SAMSN1: variants seen among roughly 807,000 people sequenced by gnomAD.
SAMSN1 encodes SAM domain, SH3 domain and nuclear localization signals 1, also known as SAM domain-containing protein SAMSN-1.
A neutral mutation model predicts 42.0 loss-of-function variants in SAMSN1; 31 were observed. The ratio of observed to expected loss-of-function variants is 0.74; its 90% CI spans 0.55 to 1.00. The LOEUF is 1.00. Ranked by LOEUF, SAMSN1 falls within the 50% of genes least tolerant of loss-of-function variation. SAMSN1 has a pLI of 0.00. For missense variants in SAMSN1, 464 were observed against 439.4 expected (o/e 1.06, Z -0.50); for synonymous variants, 178 against 151.9 (o/e 1.17, Z -1.26).
intron 7 of SAMSN1, among the ~76,000 whole-genome samples, chr21:14,493,746 AG>A (rs1329987381): frequency 6.6e-6 from 1 of 152,218 alleles, no homozygotes; most frequent in African/African-American, 2.4e-5. Flanking sequence ...TCCCTTCAAG[AG>A]CTGCATCTCA....
At chr21:14,620,287 G>T (rs976179877) in intron 2 of SAMSN1, among the ~76,000 whole-genome samples, 1 of 152,246 alleles carries the variant, frequency 6.6e-6, no homozygotes, top group Admixed American at 6.5e-5. Flanking sequence ...GGGTCATGGG[G>T]GTGGTTTTCC....
At chr21:14,504,033 C>A (rs532652228) in intron 5 of SAMSN1, among the ~76,000 whole-genome samples, 12 of 152,210 alleles carry the variant, frequency 7.9e-5, no homozygotes, top group Non-Finnish European at 1.6e-4. Flanking sequence ...TCTCAGGAAG[C>A]CTCATCCATA....
chr21:14,492,772 T>A (rs1986747565), intron 7 of SAMSN1, among the ~76,000 whole-genome samples: 1 of 152,184 alleles, frequency 6.6e-6, no homozygotes, highest in Non-Finnish European at 1.5e-5. Context: ...GAGGTAAAAT[T>A]AAAAAGAAAT....
intron 7 of SAMSN1, among the ~76,000 whole-genome samples, chr21:14,492,356 G>C (rs1371506441): frequency 6.6e-6 from 1 of 152,168 alleles, no homozygotes; most frequent in Non-Finnish European, 1.5e-5. Flanking sequence ...TGTGAGGTGG[G>C]ATTGCAGGCA....
Position 14,619,074 on chromosome 21 carries a change from T to C in SAMSN1, c.157-3058A>G, listed in dbSNP as rs577692562. 4.6e-5 allele frequency among the ~76,000 whole-genome samples: 7 copies of C among 152,294 alleles called. No homozygotes were observed. The South Asian group carries it at 1.5e-3, about 32-fold the overall frequency. On this transcript the variant is annotated intron_variant, in intron 2 of 15. Coordinates refer to the SAMSN1 transcript ENST00000647101. ...TCTAACAGCAAAGCACTTCCGTATATAAAATTAGGTCAAAGTTTTAAAAAA... is the reference window on the plus strand; with the variant it reads ...TCTAACAGCAAAGCACTTCCGTATACAAAATTAGGTCAAAGTTTTAAAAAA...
chr21:14,592,668 A>G, intron 7 of SAMSN1: 1 of 382,048 alleles, frequency 2.6e-6, no homozygotes, highest in Non-Finnish European at 5.6e-6. Context: ...AAAAAGTGAG[A>G]ATGACCTACT....
Position 14,491,838 on chromosome 21 carries a change from T to C in SAMSN1, c.920-5724A>G, listed in dbSNP as rs116253743. On this transcript the variant is annotated intron_variant, in intron 7 of 7. Coordinates refer to ENST00000400566, the MANE Select transcript of SAMSN1 (RefSeq NM_022136.5). ...GAGATAAAATTTTGCCTTCCCTATA[T>C]AGATATGATAAAAAACTAATCTAAT... is the stretch of plus-strand genomic sequence containing the variant. 7.6e-3 allele frequency among the ~76,000 whole-genome samples: 1,158 copies of C among 152,316 alleles called. 19 individuals carry two copies. The highest frequency in any genetic ancestry group is 0.027 in the African/African-American group (1,102 of 41,572).
At chr21:14,552,169 C>A (rs1172401367) in intron 2 of SAMSN1, among the ~76,000 whole-genome samples, 1 of 152,050 alleles carries the variant, frequency 6.6e-6, no homozygotes, top group Non-Finnish European at 1.5e-5. Flanking sequence ...CCTCTCCAAC[C>A]CAAGCTACCT....
At chr21:14,518,851 G>T (rs1988033201) in intron 2 of SAMSN1, among the ~76,000 whole-genome samples, 4 of 152,220 alleles carry the variant, frequency 2.6e-5, no homozygotes, top group Admixed American at 2.0e-4. Flanking sequence ...TAAAATTTTA[G>T]AGTTAGCCTT....
intron 7 of SAMSN1, among the ~76,000 whole-genome samples, chr21:14,489,952 GT>G (rs1489145086): frequency 1.3e-5 from 2 of 152,106 alleles, no homozygotes; most frequent in Non-Finnish European, 2.9e-5. Flanking sequence ...AGTGAAGATA[GT>G]TTTAAGGAAA....
chr21:14,520,906 C>T (rs1978420626), intron 2 of SAMSN1, among the ~76,000 whole-genome samples: 1 of 151,854 alleles, frequency 6.6e-6, no homozygotes, highest in Admixed American at 6.6e-5. Flanking sequence ...ACCCGATATA[C>T]CCTGCCCTAC....
chr21:14,530,982 T>C (rs1394017600), intron 1 of SAMSN1, among the ~76,000 whole-genome samples: 8 of 152,110 alleles, frequency 5.3e-5, no homozygotes, highest in Admixed American at 5.2e-4. Context: ...TTTTTCTATT[T>C]ATTATAGAAT....
At chr21:14,516,693 T>A (rs571107703) in intron 3 of SAMSN1, among the ~76,000 whole-genome samples, 199 bp downstream of exon 3, 1 of 152,172 alleles carries the variant, frequency 6.6e-6, no homozygotes, top group Non-Finnish European at 1.5e-5. Context: ...ACCCAGCAGA[T>A]GCATGATCTT....
intron 7 of SAMSN1, among the ~76,000 whole-genome samples, chr21:14,487,699 C>T (rs1986497826): frequency 6.6e-6 from 1 of 152,108 alleles, no homozygotes; most frequent in East Asian, 1.9e-4. Flanking sequence ...TAACCTTTTC[C>T]TTAAGGCTTG....
chr21:14,648,432 A>T (rs1390032546), intron 1 of SAMSN1, among the ~76,000 whole-genome samples: 1 of 152,234 alleles, frequency 6.6e-6, no homozygotes. Context: ...ATCTAATTAA[A>T]CTAAAGAGCT....
chr21:14,503,395 A>C (rs905756713), intron 5 of SAMSN1, among the ~76,000 whole-genome samples: 2 of 152,168 alleles, frequency 1.3e-5, no homozygotes, highest in Non-Finnish European at 2.9e-5. Flanking sequence ...CTACAACCAC[A>C]AGGAACTGAA....
intron 2 of SAMSN1, among the ~76,000 whole-genome samples, chr21:14,638,218 T>TAA (rs1460733303): frequency 2.0e-5 from 3 of 152,238 alleles, no homozygotes; most frequent in Non-Finnish European, 4.4e-5. Context: ...GTAGCCATGT[T>TAA]AAAGGAAATG....
chr21:14,625,477 A>C (rs1983141198), intron 2 of SAMSN1, among the ~76,000 whole-genome samples: 1 of 152,236 alleles, frequency 6.6e-6, no homozygotes. Flanking sequence ...ATTCTTATAC[A>C]CTAATAACAG....
chr21:14,605,070 G>A (rs1456724788), intron 5 of SAMSN1, among the ~76,000 whole-genome samples: 1 of 152,208 alleles, frequency 6.6e-6, no homozygotes, highest in East Asian at 1.9e-4. Flanking sequence ...CATAAAAATT[G>A]AGATTACAAG....
Sources: gnomAD v4.1 joint callset for allele counts (sites outside exome capture counted in the v4.1 genomes callset) on GRCh38, gnomAD v4.1.1 for gene constraint, MANE v1.5 for transcripts, NCBI Gene and HGNC (gene_info 2026-07-23, HGNC 2026-07-21) for gene names.